The following FANCB variants were observed in gnomAD, a reference collection of about 807,000 sequenced individuals.
FANCB encodes the protein Fanconi anemia group B protein.
Under a neutral mutation model 38.9 loss-of-function variants are expected in FANCB, and 5 were observed. The ratio of observed to expected loss-of-function variants is 0.13; its 90% confidence interval spans 0.07 to 0.27. The LOEUF (loss-of-function observed/expected upper bound fraction) is 0.27. Among genes scored for constraint, FANCB ranks in the 10% least tolerant of loss-of-function variants. FANCB has a pLI of 1.00. For synonymous variants in FANCB, 236 were observed against 215.4 expected (o/e 1.10, Z -0.84); for missense variants, 573 against 602.7 (o/e 0.95, Z 0.52).
chrX:14,709,027 G>A, the FANCB span, among the ~76,000 whole-genome samples: 1 of 111,754 alleles, frequency 8.9e-6, no homozygotes, highest in Non-Finnish European at 1.9e-5. Flanking sequence ...AACCATATCA[G>A]GTTTTCCTTT....
At chrX:14,753,518 A>T in the FANCB span, among the ~76,000 whole-genome samples, 2 of 112,088 alleles carry the variant, frequency 1.8e-5, no homozygotes, top group African/African-American at 6.5e-5. Flanking sequence ...GTTCAGCTAG[A>T]TGCTTCTTCT....
downstream of FANCB, among the ~76,000 whole-genome samples, chrX:14,842,166 AG>A (rs2092357140): frequency 8.9e-6 from 1 of 112,100 alleles, no homozygotes. Context: ...ATATGCAGAA[AG>A]TCTGAAATAT....
At chrX:14,753,966 G>A in the FANCB span, among the ~76,000 whole-genome samples, 1 of 112,432 alleles carries the variant, frequency 8.9e-6, no homozygotes, top group Non-Finnish European at 1.9e-5. Flanking sequence ...AGTTTGGGGA[G>A]CTGGCAGAAG....
Position 14,845,062 on chromosome X carries a change from C to T in FANCB, c.1721G>A (p.Cys574Tyr). 5.0e-6 allele frequency: 6 copies of T among 1,208,087 alleles called. No homozygotes were observed. Among genetic ancestry groups the T allele is most frequent in the Non-Finnish European group, 6.7e-6 (6 of 891,967 alleles). The change falls in exon 8 of 10, where the codon TGT (cysteine) becomes TAT (tyrosine). Residue 574 changes from cysteine to tyrosine, a missense_variant. Physicochemically the swap from Cys to Tyr is radical, Grantham distance 194 (BLOSUM62 -2). Transcript: ENST00000650831. ...TGTTACAGCAGTAATTATCTGTACA[C>T]ACTCTTTCTTAGATGGGTGTTCACA... ...FVCEHPSKKECVQIITAVTSL... is the reference protein window; with the variant it reads ...FVCEHPSKKEYVQIITAVTSL...
chrX:14,757,711 C>A, the FANCB span, among the ~76,000 whole-genome samples: 1 of 112,047 alleles, frequency 8.9e-6, no homozygotes, highest in Admixed American at 9.4e-5. Flanking sequence ...AAAGCCATTT[C>A]TGTCTCACGC....
intron 3 of FANCB, chrX:14,862,455 A>G (rs2092450821): frequency 8.9e-6 from 1 of 111,974 alleles, no homozygotes; most frequent in African/African-American, 3.2e-5. Context: ...AGGTCCACCT[A>G]CAGGGAATGA....
chrX:14,808,412 T>C, the FANCB span, among the ~76,000 whole-genome samples: 2 of 111,830 alleles, frequency 1.8e-5, no homozygotes, highest in South Asian at 7.4e-4. Context: ...GTTCAGCATA[T>C]GCAGATCAAT....
At chrX:14,859,380 G>T in intron 3 of FANCB, 46 bp from the exon 4 acceptor site, 2 of 963,910 alleles carry the variant, frequency 2.1e-6, no homozygotes, top group Non-Finnish European at 1.5e-6. Context: ...AGAAAAAATC[G>T]AATGTGAAAT....
At chrX:14,834,813 AAATCAT>A, downstream of FANCB, 1 of 556,982 alleles carries the variant, frequency 1.8e-6, no homozygotes, top group Non-Finnish European at 3.1e-6. Context: ...CTCATCATCA[AAATCAT>A]CATCATCATC....
At chrX:14,762,139 C>T in the FANCB span, among the ~76,000 whole-genome samples, 3 of 111,076 alleles carry the variant, frequency 2.7e-5, no homozygotes, top group African/African-American at 9.8e-5. Context: ...GCTGCATCCT[C>T]ACATGGTGGA....
chrX:14,870,109 C>G (rs906301219), intron 1 of FANCB, among the ~76,000 whole-genome samples: 5 of 111,426 alleles, frequency 4.5e-5, no homozygotes, highest in Non-Finnish European at 5.7e-5. Flanking sequence ...TAACTTTTTT[C>G]CCAGCTTTAT....
downstream of FANCB, among the ~76,000 whole-genome samples, chrX:14,832,083 T>C (rs918694432): frequency 9.9e-5 from 11 of 111,613 alleles, no homozygotes; most frequent in African/African-American, 3.6e-4. Flanking sequence ...GTAATGAATG[T>C]TGTACTAGTT....
the FANCB span, among the ~76,000 whole-genome samples, chrX:14,800,446 A>G: frequency 1.8e-5 from 2 of 111,716 alleles, no homozygotes; most frequent in Non-Finnish European, 3.8e-5. Flanking sequence ...AGACACAAGA[A>G]AAAATCCTCT....
At chrX:14,867,119 G>A (rs2092472770) in intron 2 of FANCB, among the ~76,000 whole-genome samples, 1 of 111,440 alleles carries the variant, frequency 9.0e-6, no homozygotes, top group Admixed American at 9.5e-5. Flanking sequence ...CATGCTCATG[G>A]ATTGGTAGAA....
Position 14,851,766 on chromosome X carries a change from AAAC to A in FANCB, c.1327-1095_1327-1093del, listed in dbSNP as rs768851835. Among the ~76,000 whole-genome samples the A allele has an allele frequency of 8.0e-5, 9 of 112,677 alleles. No homozygotes were observed. In the South Asian group the frequency reaches 2.9e-3, roughly 36 times the overall value. The stretch of plus-strand genomic sequence containing the variant: ...ATTGAGGTGAGGAAAGGAAATGGTG[AAAC>A]AATTTTAACAATGACTTTCATGAGG... On this transcript the variant is annotated intron_variant, in intron 6 of 9. Transcript: ENST00000650831.
the FANCB span, among the ~76,000 whole-genome samples, chrX:14,829,751 C>T: frequency 1.1e-4 from 12 of 112,248 alleles, no homozygotes; most frequent in Non-Finnish European, 1.9e-4. Flanking sequence ...TCTGGTTAGG[C>T]TTTGGCTTAA....
At chrX:14,840,116 C>A (rs1406958498), downstream of FANCB, among the ~76,000 whole-genome samples, 1 of 111,932 alleles carries the variant, frequency 8.9e-6, no homozygotes, top group Non-Finnish European at 1.9e-5. Flanking sequence ...CAGCCTCCCC[C>A]AGAGTGCTGG....
In FANCB at chrX:14,865,042, T is replaced by C. The variant is rs1421836322; in HGVS notation, c.469A>G (p.Thr157Ala). The change falls in exon 3 of 10, where the codon ACT becomes GCT. Residue 157 changes from threonine to alanine, a missense_variant. Thr to Ala is a moderately conservative substitution (Grantham distance 58). Transcript: ENST00000650831. ...CCTGACACACTAACAACTTTGCCAG[T>C]TTGAGAAGAGATAAAGAAGAATGCT... The part of the protein sequence containing the change: ...VKAFFFISSQ[T>A]GKVVSVSGNF... The C allele has an allele frequency of 5.8e-6, 7 of 1,210,438 alleles. No individual in the cohort carries two copies. Among genetic ancestry groups the C allele is most frequent in the African/African-American group, 1.7e-5 (1 of 57,679 alleles).
the FANCB span, among the ~76,000 whole-genome samples, chrX:14,691,673 C>A: frequency 9.0e-6 from 1 of 111,623 alleles, no homozygotes; most frequent in East Asian, 2.8e-4. Context: ...CTGCAGCTCC[C>A]CAGGCAATTC....
Sources: gnomAD v4.1 joint callset for allele counts (sites outside exome capture counted in the v4.1 genomes callset) on GRCh38, gnomAD v4.1.1 for gene constraint, MANE v1.5 for transcripts, NCBI Gene and HGNC (gene_info 2026-07-23, HGNC 2026-07-21) for gene names.